Variants in GRIN2B observed in about 807,000 individuals in gnomAD.
GRIN2B encodes glutamate receptor ionotropic, NMDA 2B.
In GRIN2B, 5 loss-of-function variants were observed where a neutral mutation model predicts 114.5. The observed-to-expected ratio is 0.04, with a 90% CI of 0.02 to 0.09. GRIN2B has a LOEUF of 0.09. Ranked by LOEUF, GRIN2B falls within the 10% of genes least tolerant of loss-of-function variation. The pLI, the probability that GRIN2B is intolerant of heterozygous loss-of-function variation, is 1.00. For synonymous variants in GRIN2B, 787 were observed against 745.1 expected, an observed-to-expected ratio of 1.06 and a Z score of -0.92; for missense variants, 1,108 against 1,943.5, an observed-to-expected ratio of 0.57 and a Z score of 8.08.
chr12:13,896,616 T>A (rs1052009873), intron 2 of GRIN2B, among the ~76,000 whole-genome samples: 3 of 152,202 alleles, frequency 2.0e-5, no homozygotes, highest in African/African-American at 4.8e-5. Context: ...TTCCATTTTT[T>A]AAAATAATAC....
At position 13,795,616 on chromosome 12, in the gene GRIN2B, T is replaced by C. The variant is rs149657221; in HGVS notation, c.412-41701A>G. On this transcript the variant is annotated intron_variant, in intron 3 of 13. Transcript: ENST00000609686. Reference sequence around the variant, plus strand: ...CCAAAGGATTATAAATCACACTACATAAAGACACGTGCATATGTATGTTTA... The same window carrying C: ...CCAAAGGATTATAAATCACACTACACAAAGACACGTGCATATGTATGTTTA... Among the ~76,000 whole-genome samples the C allele has an allele frequency of 2.9e-3, 440 of 152,284 alleles. 3 individuals are homozygous for C. The highest frequency in any genetic ancestry group is 1.0e-2 in the African/African-American group (414 of 41,560).
chr12:13,958,992 A>G (rs889535250), intron 2 of GRIN2B, among the ~76,000 whole-genome samples: 8 of 152,170 alleles, frequency 5.3e-5, no homozygotes, highest in Admixed American at 5.2e-4. Context: ...GGAAAGAAAC[A>G]TACACATTTG....
In GRIN2B at chr12:13,616,577, C is replaced by G; in HGVS notation, c.1206G>C (p.Glu402Asp). 1 of 1,613,928 alleles carries G rather than the reference C, an allele frequency of 6.2e-7. No homozygotes were observed. Among genetic ancestry groups the G allele is most frequent in the East Asian group, 2.2e-5 (1 of 44,884 alleles). Reference sequence around the variant, plus strand: ...GGGTCACAATGCTCAGATGGTCATCCTCCTGCTCTTCAGTCTCTGGACACA... The same window carrying G: ...GGGTCACAATGCTCAGATGGTCATCGTCCTGCTCTTCAGTCTCTGGACACA... Reference protein sequence around the residue: ...PRMCPETEEQEDDHLSIVTLE... With the variant: ...PRMCPETEEQDDDHLSIVTLE... Residue 402 changes from glutamate to aspartate, a missense_variant, in exon 6 of 14, where the codon GAG (glutamate) becomes GAC (aspartate). Glu to Asp is a conservative substitution (Grantham distance 45). Transcript: ENST00000609686.
At chr12:13,868,608 G>A (rs141627146) in intron 2 of GRIN2B, among the ~76,000 whole-genome samples, 131 of 152,226 alleles carry the variant, frequency 8.6e-4, no homozygotes, top group Non-Finnish European at 2.5e-4. Context: ...TTTCCTTCAC[G>A]TTTAAAAGTG....
chr12:13,747,696 C>T (rs1425637936), intron 4 of GRIN2B, among the ~76,000 whole-genome samples: 4 of 152,274 alleles, frequency 2.6e-5, no homozygotes, highest in East Asian at 1.9e-4. Flanking sequence ...ATTCATGTAA[C>T]CTTTTGGTTG....
Position 13,939,265 on chromosome 12 carries a change from A to C in GRIN2B, c.-19+40663T>G, listed in dbSNP as rs535556789. Among the ~76,000 whole-genome samples the C allele has an allele frequency of 2.0e-5, 3 of 152,300 alleles. No individual in the cohort carries two copies. The South Asian group carries it at 6.2e-4, about 32-fold the overall frequency. ...TTTATCCCTTCCAAATCTCATAGAA[A>C]TGTGATCCCCAGTGTTGGAGGTGGG... is the stretch of plus-strand genomic sequence containing the variant. On this transcript the variant is annotated intron_variant, in intron 2 of 13. Transcript: ENST00000609686.
chr12:13,609,729 C>T (rs543708945), intron 9 of GRIN2B, among the ~76,000 whole-genome samples: 72 of 150,710 alleles, frequency 4.8e-4, no homozygotes, highest in Non-Finnish European at 8.6e-4. Context: ...GCTGAGATCG[C>T]GCCACTGCAC....
At chr12:13,886,985 A>C (rs796200180) in intron 2 of GRIN2B, among the ~76,000 whole-genome samples, 6 of 152,340 alleles carry the variant, frequency 3.9e-5, no homozygotes, top group African/African-American at 1.4e-4. Context: ...AAACTGAAGT[A>C]CAGAAAATTC....
At chr12:13,815,696 A>G (rs961599713) in intron 3 of GRIN2B, among the ~76,000 whole-genome samples, 2 of 152,180 alleles carry the variant, frequency 1.3e-5, no homozygotes, top group East Asian at 1.9e-4. Flanking sequence ...GCTGCAGACA[A>G]CCTTGCCTGG....
At position 13,616,457 on chromosome 12, in the gene GRIN2B, A is replaced by G; in HGVS notation, c.1326T>C (p.Thr442=). The G allele has an allele frequency of 6.2e-7, 1 of 1,611,398 alleles. No homozygotes were observed. The highest frequency in any genetic ancestry group is 8.5e-7 in the Non-Finnish European group (1 of 1,178,076). The part of the protein sequence containing the change: ...NTVPCQKRIV[T]ENKTDEEPGY... The stretch of plus-strand genomic sequence containing the variant: ...AAGTCATTGAGAGGATGCCATACTC[A>G]GTGACTATGCGTTTTTGGCAGGGGA... Residue 442 remains threonine (T), a splice_region_variant and synonymous_variant, in exon 6 of 14, where the codon ACT becomes ACC. Transcript: ENST00000609686.
chr12:13,803,081 T>C (rs1275250825), intron 3 of GRIN2B, among the ~76,000 whole-genome samples: 1 of 152,174 alleles, frequency 6.6e-6, no homozygotes, highest in Non-Finnish European at 1.5e-5. Context: ...GAATAGTAAA[T>C]GTATTTTCTC....
At chr12:13,912,599 A>G (rs1866643820) in intron 2 of GRIN2B, among the ~76,000 whole-genome samples, 1 of 152,088 alleles carries the variant, frequency 6.6e-6, no homozygotes, top group African/African-American at 2.4e-5. Context: ...CTCTGTCTGA[A>G]CCTGAAGTGT....
intron 5 of GRIN2B, among the ~76,000 whole-genome samples, chr12:13,619,031 A>T (rs181612476): frequency 1.2e-3 from 182 of 152,348 alleles, no homozygotes; most frequent in African/African-American, 4.1e-3. Flanking sequence ...CATAGAAAAA[A>T]GTCACTAGTG....
intron 9 of GRIN2B, among the ~76,000 whole-genome samples, chr12:13,610,412 T>C (rs1375658885): frequency 6.6e-6 from 1 of 152,210 alleles, no homozygotes; most frequent in African/African-American, 2.4e-5. Context: ...ACACTGACTT[T>C]AGCTCTTGAC....
intron 3 of GRIN2B, among the ~76,000 whole-genome samples, chr12:13,841,856 C>A (rs991602643): frequency 6.6e-6 from 1 of 151,954 alleles, no homozygotes; most frequent in African/African-American, 2.4e-5. Flanking sequence ...TTTGTAGTTT[C>A]CATATCCTTT....
chr12:13,623,517 C>G (rs1949538346), intron 5 of GRIN2B, among the ~76,000 whole-genome samples: 1 of 152,210 alleles, frequency 6.6e-6, no homozygotes, highest in Non-Finnish European at 1.5e-5. Flanking sequence ...TCTTCCTGCT[C>G]TAATTTTCAT....
chr12:13,944,581 A>G (rs574738335), intron 2 of GRIN2B, among the ~76,000 whole-genome samples: 1 of 152,276 alleles, frequency 6.6e-6, no homozygotes, highest in Non-Finnish European at 1.5e-5. Flanking sequence ...TTTGTATTTT[A>G]CATCTACTTC....
At chr12:13,866,922 G>C (rs1342178515) in intron 2 of GRIN2B, among the ~76,000 whole-genome samples, 1 of 152,112 alleles carries the variant, frequency 6.6e-6, no homozygotes, top group Non-Finnish European at 1.5e-5. Flanking sequence ...AAATGTTGAC[G>C]CCAAGGCTCA....
At chr12:13,632,159 C>T (rs1949620562) in intron 5 of GRIN2B, among the ~76,000 whole-genome samples, 1 of 152,208 alleles carries the variant, frequency 6.6e-6, no homozygotes, top group African/African-American at 2.4e-5. Flanking sequence ...GGTTCCAGTG[C>T]TTCCAGTTCA....
Sources: allele counts gnomAD v4.1 joint callset (sites outside exome capture counted in the v4.1 genomes callset), GRCh38; gene constraint gnomAD v4.1.1; transcripts MANE v1.5; gene names NCBI Gene and HGNC (gene_info 2026-07-23, HGNC 2026-07-21).